HTR2C: variants seen among roughly 807,000 people sequenced by gnomAD.
HTR2C encodes the protein 5-hydroxytryptamine receptor 2C, also known as 5-hydroxytryptamine (serotonin) receptor 2C, G protein-coupled.
HTR2C carries 5 observed loss-of-function variants against 21.0 expected under a neutral mutation model. That is an observed-to-expected ratio of 0.24 (90% confidence interval 0.12 to 0.50). The LOEUF (loss-of-function observed/expected upper bound fraction) is 0.50, where lower values mean the gene tolerates loss of function less well. Among genes scored for constraint, HTR2C ranks in the 20% least tolerant of loss-of-function variants. The pLI, the probability that HTR2C is intolerant of heterozygous loss-of-function variation, is 0.98. For synonymous variants in HTR2C, 150 were observed against 145.3 expected, an observed-to-expected ratio of 1.03 and a Z score of -0.23; for missense variants, 271 against 371.2, an observed-to-expected ratio of 0.73 and a Z score of 2.22.
At chrX:114,592,704 G>A (rs782179248) in intron 1 of HTR2C, among the ~76,000 whole-genome samples, 9 of 111,749 alleles carry the variant, frequency 8.1e-5, no homozygotes, top group African/African-American at 2.9e-4. Flanking sequence ...TTGTTCAAAT[G>A]TGCCACCTTT....
intron 2 of HTR2C, among the ~76,000 whole-genome samples, chrX:114,705,042 T>A (rs1464642546): frequency 9.5e-6 from 1 of 105,676 alleles, no homozygotes; most frequent in Non-Finnish European, 1.9e-5. Context: ...AAACCACTGC[T>A]CAAGGAAATA....
intron 4 of HTR2C, among the ~76,000 whole-genome samples, chrX:114,735,590 G>A (rs2069582425): frequency 9.0e-6 from 1 of 110,650 alleles, no homozygotes; most frequent in African/African-American, 3.3e-5. Flanking sequence ...AGGGGAAGAG[G>A]AGAGTAGAAT....
intron 4 of HTR2C, among the ~76,000 whole-genome samples, chrX:114,795,715 T>C (rs1245912154): frequency 9.0e-6 from 1 of 111,685 alleles, no homozygotes; most frequent in Non-Finnish European, 1.9e-5. Flanking sequence ...TTCTGTTCCA[T>C]TGGTCTATAT....
At chrX:114,817,295 T>C (rs2070594443) in intron 4 of HTR2C, among the ~76,000 whole-genome samples, 1 of 111,810 alleles carries the variant, frequency 8.9e-6, no homozygotes, top group South Asian at 3.7e-4. Context: ...ATTAGTAATA[T>C]GCTTTCATTG....
At chrX:114,776,180 T>A (rs1247909643) in intron 4 of HTR2C, 1 of 551,013 alleles carries the variant, frequency 1.8e-6, no homozygotes, top group Admixed American at 2.3e-5. Context: ...ACCTCTCAGG[T>A]CAAAGATAAA....
intron 2 of HTR2C, among the ~76,000 whole-genome samples, chrX:114,626,231 A>G (rs1929367463): frequency 9.5e-6 from 1 of 105,346 alleles, no homozygotes; most frequent in Non-Finnish European, 1.9e-5. Context: ...AAAAAAAAAT[A>G]ATAAAAAATT....
chrX:114,649,035 C>T (rs868968148), intron 2 of HTR2C, among the ~76,000 whole-genome samples: 1 of 111,705 alleles, frequency 9.0e-6, no homozygotes, highest in Non-Finnish European at 1.9e-5. Flanking sequence ...GATACTTTAA[C>T]GTCAACAGAT....
At chrX:114,669,208 A>G (rs1931280888) in intron 2 of HTR2C, among the ~76,000 whole-genome samples, 1 of 111,497 alleles carries the variant, frequency 9.0e-6, no homozygotes, top group Non-Finnish European at 1.9e-5. Context: ...AACTGAAAAA[A>G]GGATAGCAAT....
intron 4 of HTR2C, among the ~76,000 whole-genome samples, chrX:114,746,575 T>C (rs1602742322): frequency 9.0e-6 from 1 of 111,536 alleles, no homozygotes; most frequent in Middle Eastern, 4.6e-3. Context: ...AACGATCAAT[T>C]AGGCTCAGTG....
intron 2 of HTR2C, among the ~76,000 whole-genome samples, chrX:114,678,597 T>G (rs1373303175): frequency 9.0e-6 from 1 of 111,639 alleles, no homozygotes; most frequent in African/African-American, 3.3e-5. Context: ...AGATAGTGTT[T>G]ACATTGCTCT....
intron 4 of HTR2C, among the ~76,000 whole-genome samples, chrX:114,846,486 G>A (rs2070874652): frequency 9.0e-6 from 1 of 111,550 alleles, no homozygotes; most frequent in Non-Finnish European, 1.9e-5. Context: ...TTATCTCAGG[G>A]ATGCAAGAGG....
intron 2 of HTR2C, among the ~76,000 whole-genome samples, chrX:114,644,895 G>T (rs961796199): frequency 2.3e-4 from 25 of 110,683 alleles, no homozygotes; most frequent in Non-Finnish European, 4.3e-4. Flanking sequence ...GGATGTCAGG[G>T]TATTGCCCAG....
intron 5 of HTR2C, among the ~76,000 whole-genome samples, chrX:114,858,700 G>A (rs1318268280): frequency 1.8e-5 from 2 of 110,012 alleles, no homozygotes; most frequent in Non-Finnish European, 3.8e-5. Context: ...TTGCTTGATT[G>A]CACTGGTAGG....
intron 4 of HTR2C, among the ~76,000 whole-genome samples, chrX:114,838,948 A>C (rs2070810607): frequency 8.9e-6 from 1 of 112,349 alleles, no homozygotes; most frequent in Non-Finnish European, 1.9e-5. Flanking sequence ...GCACAATTGG[A>C]AACATAATTT....
intron 4 of HTR2C, among the ~76,000 whole-genome samples, chrX:114,825,466 T>C (rs1556457977): frequency 1.8e-5 from 2 of 112,310 alleles, no homozygotes; most frequent in African/African-American, 6.5e-5. Context: ...AATTCTGTTA[T>C]ACTCAGACAA....
At chrX:114,787,653 A>G (rs782263667) in intron 4 of HTR2C, among the ~76,000 whole-genome samples, 2 of 112,219 alleles carry the variant, frequency 1.8e-5, no homozygotes, top group Non-Finnish European at 3.8e-5. Context: ...CTAAATTAGA[A>G]GTCTTCAAAA....
chrX:114,701,321 C>T (rs1364547430), intron 2 of HTR2C, among the ~76,000 whole-genome samples: 1 of 111,641 alleles, frequency 9.0e-6, no homozygotes, highest in Non-Finnish European at 1.9e-5. Context: ...CAAGTAGGGG[C>T]AGACTGACAC....
At chrX:114,635,812 G>C (rs1041351789) in intron 2 of HTR2C, among the ~76,000 whole-genome samples, 3 of 111,781 alleles carry the variant, frequency 2.7e-5, no homozygotes, top group African/African-American at 9.8e-5. Flanking sequence ...ATTTCTTGCA[G>C]GTAAATGTTC....
chrX:114,788,271 A>G (rs2070197618), intron 4 of HTR2C, among the ~76,000 whole-genome samples: 1 of 109,224 alleles, frequency 9.2e-6, no homozygotes. Flanking sequence ...TTTTATTTTT[A>G]TTTTTTGAGA....
Sources: gnomAD v4.1 joint callset for allele counts (sites outside exome capture counted in the v4.1 genomes callset) on GRCh38, gnomAD v4.1.1 for gene constraint, MANE v1.5 for transcripts, NCBI Gene and HGNC (gene_info 2026-07-23, HGNC 2026-07-21) for gene names.